Variants in RNPC3 observed in about 807,000 individuals in gnomAD.
The protein encoded by RNPC3 is RNA binding region (RNP1, RRM) containing 3.
Under a neutral mutation model 67.5 loss-of-function variants are expected in RNPC3, and 48 were observed. That is an observed-to-expected ratio of 0.71 (90% confidence interval 0.56 to 0.90). The LOEUF is 0.90. Ranked by LOEUF, RNPC3 falls within the 40% of genes least tolerant of loss-of-function variation. The probability of loss-of-function intolerance (pLI) is 0.00; values close to 1 mark genes in which losing one functional copy is unlikely to be tolerated. For synonymous variants in RNPC3, 239 were observed against 210.3 expected (o/e 1.14, Z -1.18); for missense variants, 637 against 626.1 (o/e 1.02, Z -0.19).
At position 103,534,880 on chromosome 1, in the gene RNPC3, C is replaced by G. The variant is rs375935616; in HGVS notation, c.443+23C>G. ...TGGGTTAGCATTTTTGTTTGCTTTTCTTTTGCTTTTGTTCTGTGTTATATA... is the reference window on the plus strand; with the variant it reads ...TGGGTTAGCATTTTTGTTTGCTTTTGTTTTGCTTTTGTTCTGTGTTATATA... On this transcript the variant is annotated intron_variant, in intron 4 of 14. Transcript: ENST00000423855. 4.1e-4 allele frequency: 594 copies of G among 1,431,696 alleles called. 3 individuals carry two copies. In the African/African-American group the frequency reaches 8.0e-3, roughly 19 times the overall value. The allele number at this position is 1,431,696 out of a possible 1,614,324, so 88.7% of individuals were successfully genotyped here.
At chr1:103,552,514 C>A (rs976128933) in intron 14 of RNPC3, 5 of 151,936 alleles carry the variant, frequency 3.3e-5, no homozygotes, top group African/African-American at 9.7e-5. Flanking sequence ...GTAATCTCAG[C>A]AATTTGGGAA....
Position 103,551,091 on chromosome 1 carries a change from CTA to C in RNPC3, c.1494+20_1494+21del. On this transcript the variant is annotated intron_variant, in intron 13 of 14. Coordinates refer to ENST00000423855, the MANE Select transcript of RNPC3 (RefSeq NM_017619.4). ...TGGTGGTTGTATCCTTTAAATCCAT[CTA>C]TTTCAAAACTATATAATTTTTAGAA... is the stretch of plus-strand genomic sequence containing the variant. 2 of 1,575,368 alleles carry C rather than the reference CTA, an allele frequency of 1.3e-6. No individual in the cohort carries two copies. The highest frequency in any genetic ancestry group is 1.8e-4 in the Middle Eastern group (1 of 5,690).
chr1:103,550,204 C>A (rs1434758882), intron 12 of RNPC3, among the ~76,000 whole-genome samples: 1 of 151,760 alleles, frequency 6.6e-6, no homozygotes, highest in Non-Finnish European at 1.5e-5. Context: ...ATAATGAATT[C>A]TATAATTGCT....
Position 103,534,801 on chromosome 1 carries a change from A to G in RNPC3, c.387A>G (p.Lys129=), listed in dbSNP as rs1340966934. Residue 129 remains lysine (K), a synonymous_variant, in exon 4 of 15, where the codon AAA becomes AAG. Transcript: ENST00000423855. ...KRSDDPVEDD[K]EKKELGYLTV... is the part of the protein sequence containing the mutation. ...CTGATGACCCTGTCGAAGATGATAAAGAAAAAAAAGAACTTGGTTATTTAA... is the reference window on the plus strand; with the variant it reads ...CTGATGACCCTGTCGAAGATGATAAGGAAAAAAAAGAACTTGGTTATTTAA... The G allele has an allele frequency of 6.5e-7, 1 of 1,532,072 alleles. No individual in the cohort carries two copies. Among genetic ancestry groups the G allele is most frequent in the Non-Finnish European group, 8.7e-7 (1 of 1,144,262 alleles). 94.9% of individuals were successfully genotyped at this position (1,532,072 alleles called of 1,614,324 possible).
At chr1:103,554,957 G>T (rs557139183) in intron 14 of RNPC3, 77 bp from the exon 15 acceptor site, 1 of 151,984 alleles carries the variant, frequency 6.6e-6, no homozygotes, top group South Asian at 2.1e-4. Flanking sequence ...AATATAAATG[G>T]TTCAGCTCTT....
In RNPC3 at chr1:103,525,923, G is replaced by C; in HGVS notation, c.-148G>C. On this transcript the variant is annotated 5_prime_UTR_variant, in exon 1 of 15. Transcript: ENST00000423855. ...GCCGCTTTTCGGTGGCGCAGTTCTC[G>C]CGAGAAGGTGACTTTCTTTCTCGGT... The C allele has an allele frequency of 1.5e-6, 1 of 661,618 alleles. No individual in the cohort carries two copies. Among genetic ancestry groups the C allele is most frequent in the East Asian group, 2.8e-5 (1 of 35,362 alleles). The allele number at this position is 661,618 out of a possible 1,614,324, so 41.0% of individuals were successfully genotyped here.
At chr1:103,549,112 G>A (rs1362801826) in intron 12 of RNPC3, among the ~76,000 whole-genome samples, 2 of 152,064 alleles carry the variant, frequency 1.3e-5, no homozygotes, top group African/African-American at 4.8e-5. Context: ...ATGAGATTTG[G>A]GGACACAGAG....
At chr1:103,551,819 A>G in intron 14 of RNPC3, 27 bp downstream of exon 14, 1 of 1,111,720 alleles carries the variant, frequency 9.0e-7, no homozygotes, top group Non-Finnish European at 1.3e-6. Context: ...CATAATAAAA[A>G]GACAAGACTA....
At position 103,551,707 on chromosome 1, in the gene RNPC3, T is replaced by C; in HGVS notation, c.1495-14T>C. 1 of 1,492,140 alleles carries C rather than the reference T, an allele frequency of 6.7e-7. No individual in the cohort carries two copies. Among genetic ancestry groups the C allele is most frequent in the Non-Finnish European group, 9.0e-7 (1 of 1,106,496 alleles). The allele number at this position is 1,492,140 out of a possible 1,614,324, so 92.4% of individuals were successfully genotyped here. The stretch of plus-strand genomic sequence containing the variant: ...TGCATATTCATGAAGGAAACCTTAA[T>C]TTTAAATTATTAGCAGTTTGCTCGA... On this transcript the variant is annotated splice_polypyrimidine_tract_variant and intron_variant, in intron 13 of 14. Coordinates refer to ENST00000423855, the MANE Select transcript of RNPC3 (RefSeq NM_017619.4).
intron 8 of RNPC3, among the ~76,000 whole-genome samples, chr1:103,541,699 C>A (rs938372182): frequency 1.3e-5 from 2 of 152,074 alleles, no homozygotes; most frequent in Admixed American, 1.3e-4. Context: ...TTCCTGTCTG[C>A]AGACTCAGAA....
intron 2 of RNPC3, 87 bp downstream of exon 2, chr1:103,527,829 GA>G: frequency 7.3e-6 from 7 of 959,902 alleles, no homozygotes; most frequent in Non-Finnish European, 1.1e-5. Flanking sequence ...TGGTTTTTAA[GA>G]AGCAAAAGCG....
chr1:103,532,822 T>G (rs571285106), intron 2 of RNPC3, among the ~76,000 whole-genome samples: 1 of 152,198 alleles, frequency 6.6e-6, no homozygotes, highest in South Asian at 2.1e-4. Context: ...ATTTGTTGTC[T>G]ATGATAAGCA....
At chr1:103,536,906 G>C (rs1040259118) in intron 6 of RNPC3, among the ~76,000 whole-genome samples, 16 of 151,944 alleles carry the variant, frequency 1.1e-4, no homozygotes, top group Non-Finnish European at 2.1e-4. Context: ...GTTATTTTTG[G>C]TTATGTCAGA....
At chr1:103,533,679 C>A in intron 2 of RNPC3, 60 bp from the exon 3 acceptor site, 2 of 862,646 alleles carry the variant, frequency 2.3e-6, no homozygotes, top group Non-Finnish European at 3.6e-6. Flanking sequence ...AAAAATTGGT[C>A]TCTAACGAAT....
chr1:103,526,018 G>T lies in RNPC3; in HGVS notation c.-53G>T, dbSNP rs1456784689. 1.6e-5 allele frequency: 22 copies of T among 1,402,810 alleles called. No individual in the cohort carries two copies. The highest frequency in any genetic ancestry group is 2.1e-5 in the Non-Finnish European group (22 of 1,041,984). 86.9% of individuals were successfully genotyped at this position (1,402,810 alleles called of 1,614,324 possible). ...TTCTCCCAGCTTGTGTTGATGCCGCGATTTTGACTGAGACTTCTTCCCACG... is the reference window on the plus strand; with the variant it reads ...TTCTCCCAGCTTGTGTTGATGCCGCTATTTTGACTGAGACTTCTTCCCACG... On this transcript the variant is annotated 5_prime_UTR_variant, in exon 1 of 15. Coordinates refer to ENST00000423855, the MANE Select transcript of RNPC3 (RefSeq NM_017619.4).
Position 103,546,361 on chromosome 1 carries a change from T to G in RNPC3, c.1302+19T>G, listed in dbSNP as rs1025322057. ...AGAAAAGGTAGGTATAAATTGATTT[T>G]TTTTCATGTAAATGAAAATAATTTG... On this transcript the variant is annotated intron_variant, in intron 11 of 14. Transcript: ENST00000423855. 5 of 1,208,716 alleles carry G rather than the reference T, an allele frequency of 4.1e-6. No homozygotes were observed. The highest frequency in any genetic ancestry group is 3.8e-4 in the Middle Eastern group (2 of 5,258). The allele number at this position is 1,208,716 out of a possible 1,614,324, so 74.9% of individuals were successfully genotyped here. A position where few individuals can be genotyped will look rare whatever the true frequency, so the allele number is the denominator to read the frequency against.
At chr1:103,550,471 C>G (rs1651360670) in intron 12 of RNPC3, among the ~76,000 whole-genome samples, 1 of 151,736 alleles carries the variant, frequency 6.6e-6, no homozygotes, top group Non-Finnish European at 1.5e-5. Flanking sequence ...GAAACCCCAT[C>G]TCTACTAAAA....
At chr1:103,531,222 A>G (rs1311234030) in intron 2 of RNPC3, among the ~76,000 whole-genome samples, 2 of 152,114 alleles carry the variant, frequency 1.3e-5, no homozygotes, top group Non-Finnish European at 2.9e-5. Context: ...ATATATATAT[A>G]CCATAATTTC....
At chr1:103,528,245 T>C (rs1344984131) in intron 2 of RNPC3, among the ~76,000 whole-genome samples, 4 of 152,130 alleles carry the variant, frequency 2.6e-5, no homozygotes. Context: ...GAAAAATAGA[T>C]TTGAGTCTGG....
Sources: allele counts gnomAD v4.1 joint callset (sites outside exome capture counted in the v4.1 genomes callset), GRCh38; gene constraint gnomAD v4.1.1; transcripts MANE v1.5; gene names NCBI Gene and HGNC (gene_info 2026-07-23, HGNC 2026-07-21).